The following SLC10A7 variants were observed in gnomAD, a reference collection of about 807,000 sequenced individuals.
SLC10A7 encodes the protein solute carrier family 10 member 7, also known as sodium/bile acid cotransporter 7.
In SLC10A7, 29 loss-of-function variants were observed where a neutral mutation model predicts 43.2. The ratio of observed to expected loss-of-function variants is 0.67; its 90% CI spans 0.50 to 0.92. The LOEUF is 0.92. Among genes scored for constraint, SLC10A7 ranks in the 40% least tolerant of loss-of-function variants. The pLI is 0.00. For missense variants in SLC10A7, 295 were observed against 403.2 expected (o/e 0.73, Z 2.30); for synonymous variants, 152 against 144.8 (o/e 1.05, Z -0.35).
chr4:146,388,382 A>G (rs1203035617), intron 5 of SLC10A7, among the ~76,000 whole-genome samples: 1 of 152,126 alleles, frequency 6.6e-6, no homozygotes, highest in African/African-American at 2.4e-5. Flanking sequence ...ACAGAAAATG[A>G]AACTGGACCC....
intron 5 of SLC10A7, among the ~76,000 whole-genome samples, chr4:146,425,944 T>G (rs1319979977): frequency 6.6e-6 from 1 of 152,208 alleles, no homozygotes; most frequent in Non-Finnish European, 1.5e-5. Context: ...AATAAACTCC[T>G]TAGTAAAATA....
intron 5 of SLC10A7, among the ~76,000 whole-genome samples, chr4:146,398,880 T>C (rs1739021625): frequency 6.6e-6 from 1 of 152,214 alleles, no homozygotes; most frequent in Non-Finnish European, 1.5e-5. Context: ...TCTACAGATA[T>C]TTAGCACATA....
intron 5 of SLC10A7, chr4:146,408,637 T>C (rs1727911144): frequency 6.6e-6 from 1 of 151,882 alleles, no homozygotes; most frequent in African/African-American, 2.4e-5. Context: ...ACTTCGAAAA[T>C]GGGAAGTAGA....
intron 4 of SLC10A7, among the ~76,000 whole-genome samples, chr4:146,461,391 A>G (rs1013170162): frequency 2.0e-5 from 3 of 152,062 alleles, no homozygotes; most frequent in African/African-American, 4.8e-5. Context: ...ATGAGATGGC[A>G]AATATGAAAC....
rs528447325 is a variant in SLC10A7 at position 146,421,190 on chromosome 4, T to C, written c.435+21593A>G. 3.9e-5 allele frequency among the ~76,000 whole-genome samples: 6 copies of C among 152,314 alleles called. No homozygotes were observed. In the South Asian group the frequency reaches 1.2e-3, roughly 32 times the overall value. ...ATTTAATCTCTATCAGTACTCCTAGTTAGGTATCCCTAACTCAAAACTTGG... is the reference window on the plus strand; with the variant it reads ...ATTTAATCTCTATCAGTACTCCTAGCTAGGTATCCCTAACTCAAAACTTGG... On this transcript the variant is annotated intron_variant, in intron 5 of 11. Coordinates refer to ENST00000335472, the MANE Select transcript of SLC10A7 (RefSeq NM_001029998.6).
At chr4:146,451,251 C>CA (rs1202857042) in intron 4 of SLC10A7, among the ~76,000 whole-genome samples, 1,305 of 92,460 alleles carry the variant, frequency 0.014, 15 homozygotes, top group African/African-American at 0.038. Flanking sequence ...AAAAAAAAAA[C>CA]AAAAAAAAAC....
intron 5 of SLC10A7, among the ~76,000 whole-genome samples, chr4:146,386,939 T>C (rs1000788965): frequency 2.0e-5 from 3 of 152,230 alleles, no homozygotes; most frequent in Admixed American, 6.5e-5. Flanking sequence ...ATATAGGAGA[T>C]ACTCAATAAA....
At chr4:146,465,621 A>G (rs1220672233) in intron 4 of SLC10A7, among the ~76,000 whole-genome samples, 4 of 152,166 alleles carry the variant, frequency 2.6e-5, no homozygotes, top group Admixed American at 6.6e-5. Context: ...ATGGAAAAGC[A>G]CTACTTATAT....
At chr4:146,260,844 C>A (rs1728177605) in intron 10 of SLC10A7, among the ~76,000 whole-genome samples, 1 of 152,188 alleles carries the variant, frequency 6.6e-6, no homozygotes, top group Non-Finnish European at 1.5e-5. Context: ...TCCTTGAAGA[C>A]CTCCCAGAAG....
At chr4:146,328,101 G>C (rs1733279433) in intron 5 of SLC10A7, among the ~76,000 whole-genome samples, 1 of 152,172 alleles carries the variant, frequency 6.6e-6, no homozygotes, top group South Asian at 2.1e-4. Flanking sequence ...CACCCTGCCT[G>C]TTGCCTCCAC....
intron 10 of SLC10A7, among the ~76,000 whole-genome samples, chr4:146,262,705 AC>A (rs1368641827): frequency 6.6e-6 from 1 of 152,134 alleles, no homozygotes; most frequent in South Asian, 2.1e-4. Context: ...TCCATAACTT[AC>A]TGGGCACATG....
intron 5 of SLC10A7, among the ~76,000 whole-genome samples, chr4:146,396,353 C>G (rs1738822401): frequency 6.6e-6 from 1 of 152,076 alleles, no homozygotes; most frequent in Non-Finnish European, 1.5e-5. Flanking sequence ...TAAAAATTTT[C>G]CTTCAAGTGA....
At chr4:146,476,759 A>C (rs988000475) in intron 4 of SLC10A7, among the ~76,000 whole-genome samples, 2 of 152,168 alleles carry the variant, frequency 1.3e-5, no homozygotes, top group Non-Finnish European at 2.9e-5. Context: ...AGGGCTTAGG[A>C]ATATTTATGG....
chr4:146,351,426 G>A (rs1735094197), intron 5 of SLC10A7, among the ~76,000 whole-genome samples: 1 of 152,110 alleles, frequency 6.6e-6, no homozygotes, highest in Non-Finnish European at 1.5e-5. Context: ...ACCTGAAAGT[G>A]ATGTGGAGAA....
In SLC10A7 at chr4:146,442,839, A is replaced by AG. The variant is rs771025815; in HGVS notation, c.397-19dup. On this transcript the variant is annotated intron_variant, in intron 4 of 11. Transcript: ENST00000335472. ...GCAGCTGCCTATGAAGAAAATAAAT[A>AG]GGGGAAAAAAACTCATTGAAAGTAA... 6.6e-7 allele frequency: 1 copy of AG among 1,521,710 alleles called. No individual in the cohort carries two copies. The highest frequency in any genetic ancestry group is 2.3e-5 in the East Asian group (1 of 43,834). 94.3% of individuals were successfully genotyped at this position (1,521,710 alleles called of 1,614,324 possible).
At chr4:146,265,810 G>C (rs759846594) in intron 10 of SLC10A7, among the ~76,000 whole-genome samples, 4 of 152,128 alleles carry the variant, frequency 2.6e-5, no homozygotes, top group Non-Finnish European at 5.9e-5. Flanking sequence ...ATATTTCACA[G>C]GGCAAAAATA....
chr4:146,475,985 G>C (rs1417620638), intron 4 of SLC10A7, among the ~76,000 whole-genome samples: 1 of 152,142 alleles, frequency 6.6e-6, no homozygotes, highest in Non-Finnish European at 1.5e-5. Flanking sequence ...GGTGTTTTTA[G>C]AAAGAGATCT....
chr4:146,286,440 C>T (rs1473944128), intron 9 of SLC10A7, among the ~76,000 whole-genome samples: 5 of 24,590 alleles, frequency 2.0e-4, no homozygotes, highest in Middle Eastern at 0.028. Flanking sequence ...GAGAAGGACT[C>T]TGGAGTGGTG....
rs745818711 is a variant in SLC10A7, at chr4:146,442,790, C to T, written c.428G>A (p.Ser143Asn). ...AAAIFNSAFGSFLGIVITPLL... is the reference protein window; with the variant it reads ...AAAIFNSAFGNFLGIVITPLL... ...TAAACTATGTTTACTTACCAAAAAACTTCCAAAGGCTGAATTAAATATTGC... is the reference window on the plus strand; with the variant it reads ...TAAACTATGTTTACTTACCAAAAAATTTCCAAAGGCTGAATTAAATATTGC... The change falls in exon 5 of 12, where the codon AGT (serine) becomes AAT (asparagine). Residue 143 changes from serine (S) to asparagine (N), a missense_variant. Coordinates refer to ENST00000335472, the MANE Select transcript of SLC10A7 (RefSeq NM_001029998.6). 1 of 1,601,458 alleles carries T rather than the reference C, an allele frequency of 6.2e-7. No homozygotes were observed. The highest frequency in any genetic ancestry group is 8.5e-7 in the Non-Finnish European group (1 of 1,176,172).
Sources: allele counts gnomAD v4.1 joint callset (sites outside exome capture counted in the v4.1 genomes callset), GRCh38; gene constraint gnomAD v4.1.1; transcripts MANE v1.5; gene names NCBI Gene and HGNC (gene_info 2026-07-23, HGNC 2026-07-21).